The following CRADD variants were observed in gnomAD, a reference collection of about 807,000 sequenced individuals.
The protein encoded by CRADD is CARD and death domain containing adaptor protein.
CRADD carries 9 observed loss-of-function variants against 15.5 expected under a neutral mutation model. That is an observed-to-expected ratio of 0.58 (90% CI 0.35 to 1.01). CRADD has a LOEUF of 1.01. Among genes scored for constraint, CRADD ranks in the 50% least tolerant of loss-of-function variants. The probability of loss-of-function intolerance (pLI) is 0.02; values close to 1 mark genes in which losing one functional copy is unlikely to be tolerated. For missense variants in CRADD, 227 were observed against 250.3 expected, an observed-to-expected ratio of 0.91 and a Z score of 0.63; for synonymous variants, 118 against 107.6, an observed-to-expected ratio of 1.10 and a Z score of -0.60.
At chr12:93,805,500 C>A (rs927930033) in intron 2 of CRADD, among the ~76,000 whole-genome samples, 3 of 151,760 alleles carry the variant, frequency 2.0e-5, no homozygotes, top group Non-Finnish European at 4.4e-5. Flanking sequence ...GTCCTCCGAG[C>A]CTGTTTCCTC....
At chr12:93,821,567 G>A (rs1271971103) in intron 2 of CRADD, among the ~76,000 whole-genome samples, 2 of 152,152 alleles carry the variant, frequency 1.3e-5, no homozygotes, top group Non-Finnish European at 2.9e-5. Flanking sequence ...GTGCCTTTTA[G>A]TTGTTTTGCT....
At chr12:93,734,525 T>C (rs969345148) in intron 2 of CRADD, among the ~76,000 whole-genome samples, 1 of 152,222 alleles carries the variant, frequency 6.6e-6, no homozygotes, top group Non-Finnish European at 1.5e-5. Context: ...TTCTCAATAC[T>C]TCAATCATAG....
intron 2 of CRADD, chr12:93,848,660 A>C (rs1279468002): frequency 1.3e-5 from 2 of 152,286 alleles, no homozygotes; most frequent in African/African-American, 2.4e-5. Context: ...TCTTCTCGAG[A>C]TGCGCCACGC....
intron 2 of CRADD, among the ~76,000 whole-genome samples, chr12:93,736,533 A>G (rs1956573113): frequency 6.6e-6 from 1 of 152,176 alleles, no homozygotes; most frequent in South Asian, 2.1e-4. Context: ...GTTCCCATCC[A>G]TGACAATTCA....
chr12:93,707,032 T>C (rs964873560), intron 2 of CRADD, among the ~76,000 whole-genome samples: 2 of 152,216 alleles, frequency 1.3e-5, no homozygotes, highest in African/African-American at 4.8e-5. Flanking sequence ...ATGACTTTAA[T>C]TGGCCTGAAA....
Position 93,834,041 on chromosome 12 carries a change from G to T in CRADD, c.299-15929G>T, listed in dbSNP as rs115701407. On this transcript the variant is annotated intron_variant, in intron 2 of 2. Coordinates refer to ENST00000332896, the MANE Select transcript of CRADD (RefSeq NM_003805.5). Reference sequence around the variant, plus strand: ...TCTCACCCTTTCTTCTATCACCTTGGTGAGCCTGGGTGCTCATGTTAATGT... The same window carrying T: ...TCTCACCCTTTCTTCTATCACCTTGTTGAGCCTGGGTGCTCATGTTAATGT... 4.0e-3 allele frequency among the ~76,000 whole-genome samples: 613 copies of T among 152,276 alleles called. 3 individuals are homozygous for T. The highest frequency in any genetic ancestry group is 0.014 in the African/African-American group (589 of 41,538).
chr12:93,759,011 C>T (rs1956920840), intron 2 of CRADD, among the ~76,000 whole-genome samples: 1 of 152,090 alleles, frequency 6.6e-6, no homozygotes, highest in African/African-American at 2.4e-5. Flanking sequence ...TCCAGGAATT[C>T]AAGGCCTAAG....
rs539324086 is a variant in CRADD, at chr12:93,874,193, A to G, written c.299-19857A>G. Among the ~76,000 whole-genome samples the G allele has an allele frequency of 1.3e-4, 20 of 151,996 alleles. 2 individuals are homozygous for G. Among genetic ancestry groups the G allele is most frequent in the African/African-American group, 4.8e-4 (20 of 41,486 alleles). On this transcript the variant is annotated intron_variant, in intron 2 of 2. Transcript: ENST00000548483. Reference sequence around the variant, plus strand: ...TTTGGTAGGTTGTATTTTTCTAGGAATTTGTCCATTTCTTATAGATTTTCC... The same window carrying G: ...TTTGGTAGGTTGTATTTTTCTAGGAGTTTGTCCATTTCTTATAGATTTTCC...
intron 2 of CRADD, among the ~76,000 whole-genome samples, chr12:93,861,107 A>G (rs920733996): frequency 1.1e-4 from 17 of 152,274 alleles, no homozygotes; most frequent in Middle Eastern, 3.4e-3. Context: ...GAGTCTCTAG[A>G]GTGCCGTTGT....
At chr12:93,863,078 C>T (rs1332302799) in intron 2 of CRADD, among the ~76,000 whole-genome samples, 1 of 152,178 alleles carries the variant, frequency 6.6e-6, no homozygotes, top group Non-Finnish European at 1.5e-5. Context: ...AAATCTGTCA[C>T]ATTTTTTATT....
At chr12:93,695,470 C>T (rs1955681131) in intron 2 of CRADD, among the ~76,000 whole-genome samples, 2 of 152,128 alleles carry the variant, frequency 1.3e-5, no homozygotes, top group South Asian at 4.1e-4. Context: ...TAAACAAAAG[C>T]TTCTGCACAG....
At chr12:93,871,038 A>G (rs1365717385) in intron 2 of CRADD, among the ~76,000 whole-genome samples, 3 of 152,234 alleles carry the variant, frequency 2.0e-5, no homozygotes, top group African/African-American at 7.2e-5. Context: ...TACACTATAA[A>G]TGTAAAAGCA....
chr12:93,850,852 A>C (rs750056375), downstream of CRADD: 28 of 497,590 alleles, frequency 5.6e-5, no homozygotes, highest in Admixed American at 6.4e-5. This position sits in a 1 kb window ranked among gnomAD's most constrained non-coding sequence, Gnocchi z 4.0. Context: ...TTTGGAACAG[A>C]ATTAATAGTA....
In CRADD at chr12:93,739,431, G is replaced by T. The variant is rs563274518; in HGVS notation, c.298+60359G>T. ...TATCCTGTTTTTAGGCTATGCTGAT[G>T]GGCTAAATTTGCCTAAACTCCTGAG... On this transcript the variant is annotated intron_variant, in intron 2 of 2. Coordinates refer to ENST00000332896, the MANE Select transcript of CRADD (RefSeq NM_003805.5). Among the ~76,000 whole-genome samples, 4 of 151,532 alleles carry T rather than the reference G, an allele frequency of 2.6e-5. No individual in the cohort carries two copies. In the East Asian group the frequency reaches 7.7e-4, roughly 29 times the overall value.
chr12:93,881,892 C>T (rs1313060348), intron 2 of CRADD, among the ~76,000 whole-genome samples: 3 of 152,012 alleles, frequency 2.0e-5, no homozygotes, highest in East Asian at 1.9e-4. Context: ...TTTGGGAGGC[C>T]GAGGCAGGCG....
rs188007708 is a variant in CRADD at position 93,769,033 on chromosome 12, A to G, written c.299-80937A>G. On this transcript the variant is annotated intron_variant, in intron 2 of 2. Transcript: ENST00000332896. The stretch of plus-strand genomic sequence containing the variant: ...ATTGCAGTTTATTATTTCATGTGAA[A>G]GAAGATACCATAATATTTACTCATT... Among the ~76,000 whole-genome samples the G allele has an allele frequency of 2.5e-3, 385 of 152,172 alleles. 2 individuals carry two copies. The highest frequency in any genetic ancestry group is 8.6e-3 in the African/African-American group (356 of 41,522).
At chr12:93,861,300 T>G (rs1266262106) in intron 2 of CRADD, among the ~76,000 whole-genome samples, 1 of 152,170 alleles carries the variant, frequency 6.6e-6, no homozygotes, top group African/African-American at 2.4e-5. Flanking sequence ...CTAGCTTGTG[T>G]GATAAGAGGA....
chr12:93,696,396 A>G (rs1024843782), intron 2 of CRADD, among the ~76,000 whole-genome samples: 2 of 152,240 alleles, frequency 1.3e-5, no homozygotes, highest in African/African-American at 4.8e-5. Context: ...ATGAAATACT[A>G]TTCAGTTTTT....
At position 93,824,433 on chromosome 12, in the gene CRADD, C is replaced by CACAA. The variant is rs1957802676; in HGVS notation, c.299-25534_299-25533insAACA. Reference sequence around the variant, plus strand: ...TCATACACACACATACACACACACACACACACACTACCAGGAAGCAGGCTA... The same window carrying CACAA: ...TCATACACACACATACACACACACACACAAACACACACTACCAGGAAGCAGGCTA... On this transcript the variant is annotated intron_variant, in intron 2 of 2. Transcript: ENST00000332896. The surrounding 1 kb of genome is among the most constrained non-coding windows in gnomAD (Gnocchi z 4.3). Among the ~76,000 whole-genome samples, 1 of 151,850 alleles carries CACAA rather than the reference C, an allele frequency of 6.6e-6. No homozygotes were observed. The highest frequency in any genetic ancestry group is 1.5e-5 in the Non-Finnish European group (1 of 67,970).
Sources: gnomAD v4.1 joint callset for allele counts (sites outside exome capture counted in the v4.1 genomes callset) on GRCh38, gnomAD v4.1.1 for gene constraint, Gnocchi (gnomAD v3.1) non-coding constraint, MANE v1.5 for transcripts, NCBI Gene and HGNC (gene_info 2026-07-23, HGNC 2026-07-21) for gene names.